TNXB: variants seen among roughly 807,000 people sequenced by gnomAD.
TNXB encodes the protein tenascin XB, also known as tenascin-X.
In TNXB, 183 loss-of-function variants were observed where a neutral mutation model predicts 340.5. That is an observed-to-expected ratio of 0.54 (90% CI 0.48 to 0.61). The LOEUF is 0.61. TNXB is among the 20% of genes least tolerant of loss of function. The pLI, the probability that TNXB is intolerant of heterozygous loss-of-function variation, is 0.00. For synonymous variants in TNXB, 2,121 were observed against 2,314.5 expected (o/e 0.92, Z 2.40); for missense variants, 4,613 against 5,446.4 (o/e 0.85, Z 4.82).
intron 29 of TNXB, 42 bp downstream of exon 29, chr6:32,048,321 G>A (rs772760937): frequency 2.2e-5 from 32 of 1,472,984 alleles, no homozygotes; most frequent in Non-Finnish European, 2.7e-5. Context: ...GCCACAAGGG[G>A]GCGAAGGCTC....
chr6:32,069,630 G>C lies in TNXB; in HGVS notation c.5510C>G (p.Ala1837Gly), dbSNP rs781641776. ...GTAGAGCAGCAGCTTGTACCTGTGG[G>C]CAGGGTCCAGGCCCGGCACGCTGAC... The part of the protein sequence containing the change: ...REVSVPGLDP[A>G]HRYKLLLYGL... The change falls in exon 15 of 44, where the codon GCC becomes GGC. Residue 1837 changes from alanine to glycine, a missense_variant. This residue lies in a region of TNXB where 4,327 missense variants were observed against 4,859.4 expected (regional missense o/e 0.89). Transcript: ENST00000644971. The surrounding 1 kb of genome is among the most constrained non-coding windows in gnomAD (Gnocchi z 6.2). The C allele has an allele frequency of 6.2e-7, 1 of 1,611,712 alleles. No homozygotes were observed. Among genetic ancestry groups the C allele is most frequent in the Non-Finnish European group, 8.5e-7 (1 of 1,178,882 alleles).
intron 11 of TNXB, among the ~76,000 whole-genome samples, chr6:32,078,125 AAGAAAG>A (rs1184344189): frequency 2.8e-5 from 4 of 140,468 alleles, no homozygotes; most frequent in African/African-American, 1.0e-4. Flanking sequence ...GAAAGAAAGA[AAGAAAG>A]AAAAAGAGAG....
intron 24 of TNXB, among the ~76,000 whole-genome samples, chr6:32,053,998 A>G (rs1777473836): frequency 6.6e-6 from 1 of 150,546 alleles, no homozygotes; most frequent in Admixed American, 6.7e-5. Context: ...CTGCACCCTT[A>G]GCCTCCCTGC....
Position 32,070,434 on chromosome 6 carries a change from G to C in TNXB, c.4991-20C>G, listed in dbSNP as rs1180825569. ...GGGCAACTGGAGAGGAAAGGTTCTT[G>C]TGTTTATTTTTTCCAAAACGACTCC... On this transcript the variant is annotated intron_variant, in intron 13 of 43. Transcript: ENST00000644971. This position sits in a 1 kb window ranked among gnomAD's most constrained non-coding sequence, Gnocchi z 6.0. 6.4e-7 allele frequency: 1 copy of C among 1,554,318 alleles called. No homozygotes were observed. Among genetic ancestry groups the C allele is most frequent in the East Asian group, 2.3e-5 (1 of 43,858 alleles).
Position 32,080,243 on chromosome 6 carries a change from C to T in TNXB, c.4043-878G>A, listed in dbSNP as rs1779359863. On this transcript the variant is annotated intron_variant, in intron 10 of 43. Coordinates refer to ENST00000644971, the MANE Select transcript of TNXB (RefSeq NM_001365276.2). This position sits in a 1 kb window ranked among gnomAD's most constrained non-coding sequence, Gnocchi z 4.3. Reference sequence around the variant, plus strand: ...TTTTTTTTTTTGAGATGGAGTCTCACTCTGTCGCCCAGGCTGGAATGCAGT... The same window carrying T: ...TTTTTTTTTTTGAGATGGAGTCTCATTCTGTCGCCCAGGCTGGAATGCAGT... 6.6e-6 allele frequency among the ~76,000 whole-genome samples: 1 copy of T among 150,688 alleles called. No homozygotes were observed. The highest frequency in any genetic ancestry group is 1.5e-5 in the Non-Finnish European group (1 of 67,884).
At position 32,049,551 on chromosome 6, in the gene TNXB, T is replaced by C. The variant is rs753765413; in HGVS notation, c.9476A>G (p.Glu3159Gly). The C allele has an allele frequency of 1.9e-6, 3 of 1,612,434 alleles. No homozygotes were observed. In the East Asian group the frequency reaches 6.7e-5, roughly 36 times the overall value. Residue 3159 changes from glutamate to glycine, a missense_variant, in exon 28 of 44, where the codon GAG (glutamate) becomes GGG (glycine). Glu to Gly is a moderately conservative substitution (Grantham distance 98). Transcript: ENST00000644971. This position sits in a 1 kb window ranked among gnomAD's most constrained non-coding sequence, Gnocchi z 4.5. ...ETPSPTEPST[E>G]APEAPEEPLL... ...CGGCTCCTCAGGGGCCTCCGGGGCC[T>C]CAGTGCTGGGTTCTGTGGGGCTGGG...
At position 32,042,622 on chromosome 6, in the gene TNXB, A is replaced by C; in HGVS notation, c.12059-16T>G. 1.0e-5 allele frequency: 16 copies of C among 1,531,470 alleles called. No individual in the cohort carries two copies. The highest frequency in any genetic ancestry group is 1.2e-5 in the Non-Finnish European group (14 of 1,131,986). The allele number at this position is 1,531,470 out of a possible 1,614,324, so 94.9% of individuals were successfully genotyped here. On this transcript the variant is annotated splice_polypyrimidine_tract_variant and intron_variant, in intron 39 of 43. Transcript: ENST00000644971. ...CGCAGCCCACCTGGGAGAGGAGAGC[A>C]GGGGCCAGTCCTTTTCCAAGCCTTA...
At chr6:32,098,806 G>A (rs139949363) in intron 1 of TNXB, among the ~76,000 whole-genome samples, 5 of 152,032 alleles carry the variant, frequency 3.3e-5, no homozygotes, top group African/African-American at 7.2e-5. Flanking sequence ...TTTTTCCCAC[G>A]AGCACTACAA....
chr6:32,079,091 G>C lies in TNXB; in HGVS notation c.4317C>G (p.His1439Gln). The change falls in exon 11 of 44, where the codon CAC becomes CAG. Residue 1439 changes from histidine to glutamine, a missense_variant. By Grantham distance (24) the His-to-Gln change is conservative. Transcript: ENST00000644971. This position sits in a 1 kb window ranked among gnomAD's most constrained non-coding sequence, Gnocchi z 7.1. ...GCTGCCCCTCGTGGAGGCCGTACAG[G>C]TGCATCTTGTACTTGTGCCCGGGCT... ...GLEPGHKYKM[H>Q]LYGLHEGQRV... The C allele has an allele frequency of 6.2e-7, 1 of 1,613,714 alleles. No individual in the cohort carries two copies. Among genetic ancestry groups the C allele is most frequent in the South Asian group, 1.1e-5 (1 of 91,078 alleles).
chr6:32,067,136 A>AAGG lies in TNXB; in HGVS notation c.6544+524_6544+525insCCT, dbSNP rs1778404969. On this transcript the variant is annotated intron_variant, in intron 18 of 43. Transcript: ENST00000644971. This position sits in a 1 kb window ranked among gnomAD's most constrained non-coding sequence, Gnocchi z 4.2. ...AAGAGAAAGAAAGAAAGGAAGGAAG[A>AAGG]AAGAAAGAAAGAAAGAAAGAAAGAA... 1.3e-5 allele frequency among the ~76,000 whole-genome samples: 1 copy of AAGG among 77,218 alleles called. No homozygotes were observed. Among genetic ancestry groups the AAGG allele is most frequent in the African/African-American group, 6.5e-5 (1 of 15,376 alleles). 50.7% of individuals were successfully genotyped at this position (77,218 alleles called of 152,430 possible).
chr6:32,097,016 G>A lies in TNXB; in HGVS notation c.837C>T (p.Ser279=), dbSNP rs1321171943. The A allele has an allele frequency of 6.2e-7, 1 of 1,613,594 alleles. No individual in the cohort carries two copies. Among genetic ancestry groups the A allele is most frequent in the South Asian group, 1.1e-5 (1 of 91,042 alleles). ...GYTGDDCGMR[S]CPRGCSQRGR... is the part of the protein sequence containing the mutation. ...CCCTCTGACTGCAACCGCGAGGGCA[G>A]CTCCTCATGCCACAGTCGTCACCAG... Residue 279 remains serine, a synonymous_variant, in exon 3 of 44, where the codon AGC becomes AGT. Transcript: ENST00000644971. The surrounding 1 kb of genome is among the most constrained non-coding windows in gnomAD (Gnocchi z 5.9).
In TNXB at chr6:32,083,955, C is replaced by T. The variant is rs368659112; in HGVS notation, c.3445+458G>A. Among the ~76,000 whole-genome samples, 43 of 152,344 alleles carry T rather than the reference C, an allele frequency of 2.8e-4. No homozygotes were observed. The South Asian group carries it at 8.7e-3, about 31-fold the overall frequency. On this transcript the variant is annotated intron_variant, in intron 8 of 43. Transcript: ENST00000644971. This position sits in a 1 kb window ranked among gnomAD's most constrained non-coding sequence, Gnocchi z 4.6. ...GGGATTATAGGCAGGATCAACCCTGCTAGCCTTTACCAGCTCTTAACTCAC... is the reference window on the plus strand; with the variant it reads ...GGGATTATAGGCAGGATCAACCCTGTTAGCCTTTACCAGCTCTTAACTCAC...
chr6:32,074,423 C>T lies in TNXB; in HGVS notation c.4376-471G>A, dbSNP rs117189703. On this transcript the variant is annotated intron_variant, in intron 11 of 43. Transcript: ENST00000644971. The surrounding 1 kb of genome is among the most constrained non-coding windows in gnomAD (Gnocchi z 5.5). ...AACAGTCCTTCACTAGGTCCCTGCT[C>T]GGTGTCTGAGGCTGCATTTGTTGGG... Among the ~76,000 whole-genome samples, 452 of 152,296 alleles carry T rather than the reference C, an allele frequency of 3.0e-3. 12 individuals carry two copies. In the East Asian group the frequency reaches 0.057, roughly 19 times the overall value.
intron 28 of TNXB, 77 bp from the exon 29 acceptor site, chr6:32,048,727 A>G (rs1777067451): frequency 7.6e-7 from 1 of 1,319,616 alleles, no homozygotes; most frequent in Non-Finnish European, 9.8e-7. Flanking sequence ...CCAGGACTGG[A>G]GTGAGCATTT....
rs375604924 is a variant in TNXB, at chr6:32,069,513, C to A, written c.5587+40G>T. 2.8e-5 allele frequency: 42 copies of A among 1,515,436 alleles called. No homozygotes were observed. In the South Asian group the frequency reaches 5.2e-4, roughly 19 times the overall value. The allele number at this position is 1,515,436 out of a possible 1,614,324, so 93.9% of individuals were successfully genotyped here. On this transcript the variant is annotated intron_variant, in intron 15 of 43. Transcript: ENST00000644971. The surrounding 1 kb of genome is among the most constrained non-coding windows in gnomAD (Gnocchi z 6.2). ...GCTCAGTCAGACCAGGAGAGCCAGG[C>A]GGGAAGGAGGCACAGGTGTTCCAGC... is the stretch of plus-strand genomic sequence containing the variant.
Position 32,064,967 on chromosome 6 carries a change from TC to T in TNXB, c.6694del (p.Asp2232ThrfsTer29). ...DHFLVQFKNG[D>X]GQPKAVRVPG... is the part of the protein sequence containing the mutation. ...CACCCGCACCGCCTTGGGCTGCCCG[TC>T]CCCATTCTTAAACTGGACCAAGAAA... On this transcript the variant is annotated frameshift_variant, in exon 19 of 44. Transcript: ENST00000644971. LOFTEE classifies it high-confidence loss of function. This position sits in a 1 kb window ranked among gnomAD's most constrained non-coding sequence, Gnocchi z 5.3. 6.2e-7 allele frequency: 1 copy of T among 1,612,762 alleles called. No individual in the cohort carries two copies.
In TNXB at chr6:32,065,030, C is replaced by G. The variant is rs748648083; in HGVS notation, c.6632G>C (p.Ser2211Thr). Residue 2211 changes from serine to threonine, a missense_variant, in exon 19 of 44, where the codon AGC becomes ACC. By Grantham distance (58) the Ser-to-Thr change is moderately conservative (BLOSUM62 1). Around this residue, in one of 7 missense-constraint regions of TNXB, gnomAD observed 4,327 missense variants for 4,859.4 expected, o/e 0.89. Transcript: ENST00000644971. ...TVRDITSDSL[S>T]LSWTVPEGQF... is the part of the protein sequence containing the mutation. ...GCCCTCGGGGACTGTCCAGGAGAGG[C>G]TGAGGGAGTCGGAGGTGATGTCTCT... is the stretch of plus-strand genomic sequence containing the variant. The G allele has an allele frequency of 5.7e-5, 91 of 1,608,714 alleles. 4 individuals are homozygous for G. The Admixed American group carries it at 1.3e-3, about 23-fold the overall frequency.
intron 21 of TNXB, among the ~76,000 whole-genome samples, chr6:32,059,603 G>A (rs921984151): frequency 3.3e-5 from 5 of 151,932 alleles, no homozygotes; most frequent in Admixed American, 1.3e-4. Flanking sequence ...AAAACTGAAC[G>A]TGGACCAGGA....
At position 32,073,941 on chromosome 6, in the gene TNXB, CTTG is replaced by C. The variant is rs1171930378; in HGVS notation, c.4384_4386del (p.Gln1462del). On this transcript the variant is annotated inframe_deletion, in exon 12 of 44. Transcript: ENST00000644971. This position sits in a 1 kb window ranked among gnomAD's most constrained non-coding sequence, Gnocchi z 4.6. ...GACTCAGTGGCTGGAGGGGTCTCTT[CTTG>C]TTGTGGGGCTGGGACAGAGATGGTA... is the stretch of plus-strand genomic sequence containing the variant. 2 of 1,596,154 alleles carry C rather than the reference CTTG, an allele frequency of 1.3e-6. No homozygotes were observed. The highest frequency in any genetic ancestry group is 1.1e-5 in the South Asian group (1 of 89,154).
Sources: allele counts gnomAD v4.1 joint callset (sites outside exome capture counted in the v4.1 genomes callset), GRCh38; gene constraint gnomAD v4.1.1; regional missense constraint gnomAD v4.1.1; non-coding constraint Gnocchi (gnomAD v3.1); transcripts MANE v1.5; gene names NCBI Gene and HGNC (gene_info 2026-07-23, HGNC 2026-07-21).